The following SNX8 variants were observed in gnomAD, a reference collection of about 807,000 sequenced individuals.
SNX8 encodes the protein sorting nexin-8.
A neutral mutation model predicts 51.6 loss-of-function variants in SNX8; 25 were observed. That is an observed-to-expected ratio of 0.48 (90% confidence interval 0.35 to 0.68). The LOEUF is 0.68. SNX8 is among the 30% of genes least tolerant of loss of function. SNX8 has a pLI of 0.00. For synonymous variants in SNX8, 324 were observed against 277.0 expected (o/e 1.17, Z -1.68); for missense variants, 695 against 624.0 (o/e 1.11, Z -1.21).
At chr7:2,301,971 G>A (rs563740525) in intron 1 of SNX8, among the ~76,000 whole-genome samples, 111 of 152,214 alleles carry the variant, frequency 7.3e-4, no homozygotes, top group African/African-American at 2.6e-3. Flanking sequence ...GGCCAGGCGC[G>A]GTGGCTCACA....
chr7:2,256,819 G>A (rs573855314), intron 10 of SNX8, 55 bp downstream of exon 10: 10 of 1,562,738 alleles, frequency 6.4e-6, no homozygotes, highest in African/African-American at 5.4e-5. Context: ...AAGGAAGGGC[G>A]GAGGGACAAA....
chr7:2,353,121 C>T lies in SNX8; in HGVS notation c.-66+1101G>A, dbSNP rs542334782. Among the ~76,000 whole-genome samples, 42 of 152,270 alleles carry T rather than the reference C, an allele frequency of 2.8e-4. 1 individual carries two copies. The highest frequency in any genetic ancestry group is 9.9e-4 in the African/African-American group (41 of 41,558). ...CCAGCCTGGGCAACACAGTGAGATG[C>T]TATCTACAAATAAAGAAATTAGCTG... On this transcript the variant is annotated intron_variant, in intron 1 of 5. Transcript: ENST00000435336.
chr7:2,254,066 C>A lies in SNX8; in HGVS notation c.*990G>T, dbSNP rs1053623296. 6.6e-6 allele frequency: 1 copy of A among 152,426 alleles called. No homozygotes were observed. The highest frequency in any genetic ancestry group is 2.4e-5 in the African/African-American group (1 of 41,450). 9.4% of individuals were successfully genotyped at this position (152,426 alleles called of 1,614,324 possible). A position where few individuals can be genotyped will look rare whatever the true frequency, so the allele number is the denominator to read the frequency against. ...GCTCAGGAGAATGGCCTTCTTCATC[C>A]AGAGCAGGGAAGGGGCCTGAAAGAC... On this transcript the variant is annotated 3_prime_UTR_variant, in exon 11 of 11. Transcript: ENST00000222990.
chr7:2,317,251 C>A (rs1436980445), upstream of SNX8, among the ~76,000 whole-genome samples: 1 of 43,090 alleles, frequency 2.3e-5, no homozygotes, highest in Non-Finnish European at 4.7e-5. Flanking sequence ...CCTGGACCTT[C>A]TTTTTTTTTT....
At chr7:2,329,277 A>T (rs1348306862) in intron 1 of SNX8, among the ~76,000 whole-genome samples, 2 of 151,474 alleles carry the variant, frequency 1.3e-5, no homozygotes, top group African/African-American at 4.8e-5. Context: ...TCAAAAAAAT[A>T]AATAAATAAA....
At chr7:2,264,595 C>T in intron 5 of SNX8, 137 bp from the exon 6 acceptor site, 1 of 671,714 alleles carries the variant, frequency 1.5e-6, no homozygotes, top group East Asian at 2.7e-5. Context: ...CCCACTCCTC[C>T]AGGCCTGCAG....
intron 1 of SNX8, among the ~76,000 whole-genome samples, chr7:2,284,785 AAGAC>A (rs1381500034): frequency 6.6e-6 from 1 of 152,160 alleles, no homozygotes; most frequent in Non-Finnish European, 1.5e-5. Flanking sequence ...AATCAAATGA[AAGAC>A]AGTCCGCAGA....
intron 1 of SNX8, among the ~76,000 whole-genome samples, chr7:2,340,876 A>C (rs1778910709): frequency 1.3e-5 from 2 of 150,444 alleles, no homozygotes; most frequent in African/African-American, 2.4e-5. Context: ...AAAAAAAAAA[A>C]AAAAAAAACT....
chr7:2,257,571 C>A (rs780841384), intron 8 of SNX8, 57 bp from the exon 9 acceptor site: 1 of 1,589,864 alleles, frequency 6.3e-7, no homozygotes, highest in South Asian at 1.1e-5. Flanking sequence ...CAGGGCCCTG[C>A]GGAGCCGGCC....
intron 1 of SNX8, among the ~76,000 whole-genome samples, chr7:2,326,665 C>CA (rs34942007): frequency 6.8e-5 from 10 of 147,922 alleles, no homozygotes; most frequent in South Asian, 2.1e-4. Context: ...CACTCCATCT[C>CA]AAAAAAAAAT....
chr7:2,271,837 C>T lies in SNX8; in HGVS notation c.540+13G>A, dbSNP rs770345663. ...CCCCGGGGCCGGGACATGGGCAGGG[C>T]AGACACACTCACCGAGCCGCTGAAG... is the stretch of plus-strand genomic sequence containing the variant. On this transcript the variant is annotated intron_variant, in intron 4 of 10. Coordinates refer to ENST00000222990, the MANE Select transcript of SNX8 (RefSeq NM_013321.4). 1.3e-6 allele frequency: 2 copies of T among 1,594,660 alleles called. No homozygotes were observed. The highest frequency in any genetic ancestry group is 1.1e-5 in the South Asian group (1 of 88,610).
intron 1 of SNX8, among the ~76,000 whole-genome samples, chr7:2,280,615 G>A (rs1795886667): frequency 2.0e-5 from 3 of 152,118 alleles, no homozygotes; most frequent in Admixed American, 6.6e-5. Flanking sequence ...GTCACATGTT[G>A]GTGAAGAATT....
At chr7:2,332,854 AAAAG>A (rs1778762983) in intron 1 of SNX8, among the ~76,000 whole-genome samples, 1 of 151,230 alleles carries the variant, frequency 6.6e-6, no homozygotes, top group Admixed American at 6.6e-5. Flanking sequence ...GAGGGAGGGA[AAAAG>A]AGAGAGAGAG....
At chr7:2,273,704 C>G (rs1795704395) in intron 3 of SNX8, among the ~76,000 whole-genome samples, 1 of 150,878 alleles carries the variant, frequency 6.6e-6, no homozygotes, top group African/African-American at 2.4e-5. Context: ...GAGATTGAGA[C>G]CATCCTGGCT....
At chr7:2,345,902 G>A (rs1437855646) in intron 1 of SNX8, among the ~76,000 whole-genome samples, 1 of 151,938 alleles carries the variant, frequency 6.6e-6, no homozygotes, top group Admixed American at 6.6e-5. Context: ...CCACCTCCTG[G>A]GTTCAAGCGA....
intron 1 of SNX8, among the ~76,000 whole-genome samples, chr7:2,284,396 C>CTTTTT (rs751803296): frequency 9.3e-4 from 83 of 88,896 alleles, no homozygotes; most frequent in African/African-American, 1.5e-3. Context: ...CTTTTATTTC[C>CTTTTT]TTTTTTTTTT....
In SNX8 at chr7:2,255,015, T is replaced by G. The variant is rs1795141205; in HGVS notation, c.*41A>C. On this transcript the variant is annotated 3_prime_UTR_variant, in exon 11 of 11. Coordinates refer to ENST00000222990, the MANE Select transcript of SNX8 (RefSeq NM_013321.4). ...CCGGGACACACCGTTTGGAAAGAGG[T>G]TTTAGTGCGGCCGCAGGGAGCACCA... 2 of 1,320,188 alleles carry G rather than the reference T, an allele frequency of 1.5e-6. No homozygotes were observed. Among genetic ancestry groups the G allele is most frequent in the Non-Finnish European group, 1.1e-6 (1 of 938,880 alleles). 81.8% of individuals were successfully genotyped at this position (1,320,188 alleles called of 1,614,324 possible).
intron 1 of SNX8, among the ~76,000 whole-genome samples, chr7:2,328,217 A>G (rs1009021020): frequency 1.3e-5 from 2 of 151,926 alleles, no homozygotes; most frequent in African/African-American, 4.8e-5. Flanking sequence ...ACGCCTGGCT[A>G]ATTTTTCTGT....
chr7:2,291,901 T>C (rs1796159736), intron 1 of SNX8, among the ~76,000 whole-genome samples: 1 of 152,208 alleles, frequency 6.6e-6, no homozygotes, highest in South Asian at 2.1e-4. Flanking sequence ...CTGCCTATCA[T>C]GGGAGGAGCA....
Sources: allele counts gnomAD v4.1 joint callset (sites outside exome capture counted in the v4.1 genomes callset), GRCh38; gene constraint gnomAD v4.1.1; transcripts MANE v1.5; gene names NCBI Gene and HGNC (gene_info 2026-07-23, HGNC 2026-07-21).